RCN3: variants seen among roughly 807,000 people sequenced by gnomAD.
RCN3 encodes the protein reticulocalbin-3.
A neutral mutation model predicts 35.9 loss-of-function variants in RCN3; 41 were observed. The observed-to-expected ratio is 1.14, with a 90% CI of 0.89 to 1.48. RCN3 has a LOEUF of 1.48. RCN3 is among the 40% of genes most tolerant of loss of function. The pLI is 0.00. For synonymous variants in RCN3, 187 were observed against 193.4 expected, an observed-to-expected ratio of 0.97 and a Z score of 0.27; for missense variants, 451 against 471.3, an observed-to-expected ratio of 0.96 and a Z score of 0.40.
rs567621667 is a variant in RCN3 at position 49,543,439 on chromosome 19, C to G, written c.*226C>G. 2.7e-5 allele frequency: 15 copies of G among 564,294 alleles called. No individual in the cohort carries two copies. Among genetic ancestry groups the G allele is most frequent in the Non-Finnish European group, 4.8e-5 (15 of 313,948 alleles). 35.0% of individuals were successfully genotyped at this position (564,294 alleles called of 1,614,324 possible). On this transcript the variant is annotated 3_prime_UTR_variant, in exon 7 of 7. Coordinates refer to ENST00000270645, the MANE Select transcript of RCN3 (RefSeq NM_020650.3). ...CCCAGAGGATAAGCAATACCTATTT[C>G]TGACTGAGTCTCCCAGCCCAGACCC...
intron 2 of RCN3, among the ~76,000 whole-genome samples, chr19:49,532,668 C>CTGT (rs1276697593): frequency 8.1e-5 from 12 of 148,014 alleles, no homozygotes; most frequent in South Asian, 4.3e-4. Flanking sequence ...GCCACCGTGC[C>CTGT]CGGCCTATTA....
Position 49,543,088 on chromosome 19 carries a change from C to T in RCN3, c.880-18C>T. ...GCAGGGCCGTGTTGTCCCCTCTGAA[C>T]CCTGACCCTCCCTCCAGGATGGGCG... On this transcript the variant is annotated intron_variant, in intron 6 of 6. Coordinates refer to ENST00000270645, the MANE Select transcript of RCN3 (RefSeq NM_020650.3). The T allele has an allele frequency of 1.2e-6, 2 of 1,607,896 alleles. No homozygotes were observed. The highest frequency in any genetic ancestry group is 1.7e-6 in the Non-Finnish European group (2 of 1,174,436).
intron 5 of RCN3, among the ~76,000 whole-genome samples, chr19:49,540,615 C>T (rs1477873419): frequency 6.8e-6 from 1 of 148,078 alleles, no homozygotes; most frequent in African/African-American, 2.5e-5. Flanking sequence ...AGCGAAACTC[C>T]ATCTTAAAAA....
At chr19:49,534,146 C>T in intron 2 of RCN3, 47 bp from the exon 3 acceptor site, 6 of 1,437,800 alleles carry the variant, frequency 4.2e-6, no homozygotes, top group Non-Finnish European at 5.5e-6. Context: ...AGGGGCGGGG[C>T]CTGGGGGCGG....
chr19:49,543,293 C>A lies in RCN3; in HGVS notation c.*80C>A. 8.7e-7 allele frequency: 1 copy of A among 1,149,382 alleles called. No homozygotes were observed. The highest frequency in any genetic ancestry group is 1.3e-6 in the Non-Finnish European group (1 of 778,450). 71.2% of individuals were successfully genotyped at this position (1,149,382 alleles called of 1,614,324 possible). Reference sequence around the variant, plus strand: ...CGCTGTGGTCTGGCCCCCTCCCTGTCCAGGCCCCGCAGGAGGCAGATGCAG... The same window carrying A: ...CGCTGTGGTCTGGCCCCCTCCCTGTACAGGCCCCGCAGGAGGCAGATGCAG... On this transcript the variant is annotated 3_prime_UTR_variant, in exon 7 of 7. Transcript: ENST00000270645.
intron 3 of RCN3, 31 bp from the exon 4 acceptor site, chr19:49,537,002 G>C: frequency 6.8e-7 from 1 of 1,476,462 alleles, no homozygotes; most frequent in Non-Finnish European, 9.0e-7. Flanking sequence ...CTCCATTAAA[G>C]CTCATCTCAC....
At chr19:49,539,438 A>ATTGAGCACC in intron 5 of RCN3, among the ~76,000 whole-genome samples, 1 of 152,122 alleles carries the variant, frequency 6.6e-6, no homozygotes, top group African/African-American at 2.4e-5. Context: ...CCTACTGCAT[A>ATTGAGCACC]TGGGTGGTTG....
chr19:49,531,015 G>C (rs1273079878), intron 2 of RCN3, among the ~76,000 whole-genome samples: 1 of 152,188 alleles, frequency 6.6e-6, no homozygotes, highest in African/African-American at 2.4e-5. Flanking sequence ...TGGGAGGTGA[G>C]GGCAGAGAAG....
chr19:49,536,769 C>T (rs536662847), intron 3 of RCN3, among the ~76,000 whole-genome samples: 3 of 151,290 alleles, frequency 2.0e-5, no homozygotes, highest in East Asian at 1.9e-4. Context: ...CCACCATGCC[C>T]GGCTAAGTAT....
In RCN3 at chr19:49,543,286, T is replaced by C; in HGVS notation, c.*73T>C. 24 of 1,238,870 alleles carry C rather than the reference T, an allele frequency of 1.9e-5. No homozygotes were observed. The South Asian group carries it at 2.8e-4, about 14-fold the overall frequency. The allele number at this position is 1,238,870 out of a possible 1,614,324, so 76.7% of individuals were successfully genotyped here. ...GAGGGGCCGCTGTGGTCTGGCCCCCTCCCTGTCCAGGCCCCGCAGGAGGCA... is the reference window on the plus strand; with the variant it reads ...GAGGGGCCGCTGTGGTCTGGCCCCCCCCCTGTCCAGGCCCCGCAGGAGGCA... On this transcript the variant is annotated 3_prime_UTR_variant, in exon 7 of 7. Transcript: ENST00000270645.
chr19:49,529,408 G>A (rs1385781218), intron 2 of RCN3, among the ~76,000 whole-genome samples: 1 of 152,180 alleles, frequency 6.6e-6, no homozygotes, highest in Non-Finnish European at 1.5e-5. Context: ...GGGTGAGCTG[G>A]GTGGAATGGA....
rs1250774329 is a variant in RCN3 at position 49,534,361 on chromosome 19, GC to G, written c.412del (p.Leu138CysfsTer51). 19 of 1,536,600 alleles carry G rather than the reference GC, an allele frequency of 1.2e-5. No individual in the cohort carries two copies. Among genetic ancestry groups the G allele is most frequent in the Non-Finnish European group, 1.7e-5 (19 of 1,142,856 alleles). On this transcript the variant is annotated frameshift_variant, in exon 3 of 7. Transcript: ENST00000270645. LOFTEE classifies it high-confidence loss of function. ...GCGACGGGCGTGTGGGTTGGGAGGA[GC>G]TGCGCAACGCCACCTATGGCCACTA... ...DRDGRVGWEE[L>X]RNATYGHYAP...
rs1355882440 is a variant in RCN3 at position 49,535,865 on chromosome 19, T to TAGATAG, written c.446-1167_446-1166insGATAGA. On this transcript the variant is annotated intron_variant, in intron 3 of 6. Coordinates refer to ENST00000270645, the MANE Select transcript of RCN3 (RefSeq NM_020650.3). Reference sequence around the variant, plus strand: ...ACTCTGTCTCAAAAAAAAAAAAATATATATATATATAGATAGATAGATAGA... The same window carrying TAGATAG: ...ACTCTGTCTCAAAAAAAAAAAAATATAGATAGATATATATATAGATAGATAGATAGA... Among the ~76,000 whole-genome samples the TAGATAG allele has an allele frequency of 5.3e-3, 757 of 142,398 alleles. 5 individuals carry two copies. Among genetic ancestry groups the TAGATAG allele is most frequent in the African/African-American group, 0.019 (709 of 37,140 alleles). The allele number at this position is 142,398 out of a possible 152,430, so 93.4% of individuals were successfully genotyped here.
chr19:49,538,629 T>G (rs999820086), intron 4 of RCN3, among the ~76,000 whole-genome samples: 3 of 151,978 alleles, frequency 2.0e-5, no homozygotes, highest in Non-Finnish European at 4.4e-5. Flanking sequence ...TTATAGTGAA[T>G]GAGTTTGGAT....
chr19:49,539,610 T>TG (rs36013629), intron 5 of RCN3, among the ~76,000 whole-genome samples: 61,433 of 151,706 alleles, frequency 0.4, 15,390 homozygotes, highest in African/African-American at 0.72. Context: ...CATGGGATGT[T>TG]GGGGGATCCT....
At position 49,528,733 on chromosome 19, in the gene RCN3, T is replaced by TA; in HGVS notation, c.242+19_242+20insA. The TA allele has an allele frequency of 6.4e-7, 1 of 1,553,550 alleles. No homozygotes were observed. On this transcript the variant is annotated intron_variant, in intron 2 of 6. Coordinates refer to ENST00000270645, the MANE Select transcript of RCN3 (RefSeq NM_020650.3). ...GTCTGGGGTAAGAGAGACATTCGGTTGGGGCGTGTCCAGAGGTGGGGCTTA... is the reference window on the plus strand; with the variant it reads ...GTCTGGGGTAAGAGAGACATTCGGTTAGGGGCGTGTCCAGAGGTGGGGCTTA...
chr19:49,539,067 C>G (rs1483462016), intron 4 of RCN3, 52 bp from the exon 5 acceptor site: 1 of 1,411,470 alleles, frequency 7.1e-7, no homozygotes, highest in Non-Finnish European at 9.6e-7. Flanking sequence ...TCCAGCCTCC[C>G]CCAGGAGCCA....
Position 49,534,238 on chromosome 19 carries a change from G to C in RCN3, c.288G>C (p.Trp96Cys). The change falls in exon 3 of 7, where the codon TGG becomes TGC. Residue 96 changes from tryptophan (W) to cysteine (C), a missense_variant. Coordinates refer to ENST00000270645, the MANE Select transcript of RCN3 (RefSeq NM_020650.3). Reference protein sequence around the residue: ...RMDRAGDGDGWVSLAELRAWI... With the variant: ...RMDRAGDGDGCVSLAELRAWI... ...ACCGCGCGGGGGACGGCGACGGCTG[G>C]GTGTCGCTGGCCGAGCTTCGCGCGT... 2 of 1,474,706 alleles carry C rather than the reference G, an allele frequency of 1.4e-6. No individual in the cohort carries two copies. Among genetic ancestry groups the C allele is most frequent in the South Asian group, 2.7e-5 (2 of 74,386 alleles). The allele number at this position is 1,474,706 out of a possible 1,614,324, so 91.4% of individuals were successfully genotyped here.
chr19:49,542,683 G>A lies in RCN3; in HGVS notation c.810G>A (p.Val270=), dbSNP rs774445545. Residue 270 remains valine (V), a synonymous_variant, in exon 6 of 7, where the codon GTG becomes GTA. Coordinates refer to ENST00000270645, the MANE Select transcript of RCN3 (RefSeq NM_020650.3). ...HLDGSEVGHW[V]LPPAQDQPLV... ...ATGGGAGTGAGGTGGGCCACTGGGT[G>A]CTGCCCCCTGCCCAGGACCAGCCCC... 2 of 1,597,290 alleles carry A rather than the reference G, an allele frequency of 1.3e-6. No individual in the cohort carries two copies. The highest frequency in any genetic ancestry group is 1.7e-6 in the Non-Finnish European group (2 of 1,173,454).
Sources: gnomAD v4.1 joint callset for allele counts (sites outside exome capture counted in the v4.1 genomes callset) on GRCh38, gnomAD v4.1.1 for gene constraint, MANE v1.5 for transcripts, NCBI Gene and HGNC (gene_info 2026-07-23, HGNC 2026-07-21) for gene names.